ITGA11: variants seen among roughly 807,000 people sequenced by gnomAD.
The protein encoded by ITGA11 is integrin alpha-11.
A neutral mutation model predicts 141.9 loss-of-function variants in ITGA11; 97 were observed. The observed-to-expected ratio is 0.68, with a 90% confidence interval of 0.58 to 0.81. The LOEUF is 0.81. Ranked by LOEUF, ITGA11 falls within the 30% of genes least tolerant of loss-of-function variation. The probability of loss-of-function intolerance (pLI) is 0.00; values close to 1 mark genes in which losing one functional copy is unlikely to be tolerated. For missense variants in ITGA11, 1,387 were observed against 1,559.2 expected (o/e 0.89, Z 1.86); for synonymous variants, 658 against 624.6 (o/e 1.05, Z -0.80).
chr15:68,367,948 C>T (rs1364115767), intron 3 of ITGA11, among the ~76,000 whole-genome samples: 1 of 152,220 alleles, frequency 6.6e-6, no homozygotes, highest in East Asian at 1.9e-4. Flanking sequence ...ACCAGGCACC[C>T]TCTTCCCTTA....
At position 68,300,493 on chromosome 15, in the gene ITGA11, T is replaced by G. The variant is rs1315007066; in HGVS notation, c.*2566A>C. 6.6e-6 allele frequency: 1 copy of G among 152,238 alleles called. No homozygotes were observed. The highest frequency in any genetic ancestry group is 1.5e-5 in the Non-Finnish European group (1 of 68,066). 9.4% of individuals were successfully genotyped at this position (152,238 alleles called of 1,614,324 possible). Reference sequence around the variant, plus strand: ...CGTGGTTCAAAGGTGCAGCCAGGATTGAGAAACACTGCGTTAGCATAGACT... The same window carrying G: ...CGTGGTTCAAAGGTGCAGCCAGGATGGAGAAACACTGCGTTAGCATAGACT... On this transcript the variant is annotated 3_prime_UTR_variant, in exon 30 of 30. Transcript: ENST00000315757.
At chr15:68,428,281 C>G (rs369832235) in intron 1 of ITGA11, among the ~76,000 whole-genome samples, 3 of 152,264 alleles carry the variant, frequency 2.0e-5, no homozygotes, top group East Asian at 1.9e-4. Context: ...AGGGAGAATG[C>G]AAGGGAAGGT....
chr15:68,420,619 A>G (rs935366877), intron 1 of ITGA11, among the ~76,000 whole-genome samples: 7 of 150,324 alleles, frequency 4.7e-5, no homozygotes, highest in Non-Finnish European at 1.0e-4. Flanking sequence ...GCTTATCTAA[A>G]AGGAGTGATT....
chr15:68,308,667 C>T lies in ITGA11; in HGVS notation c.3175-971G>A, dbSNP rs1279811922. ...CTGAGGCAGGAGAATCACTTGAACCCGGGAGGCGGAGGTCGCAGTGAGCCG... is the reference window on the plus strand; with the variant it reads ...CTGAGGCAGGAGAATCACTTGAACCTGGGAGGCGGAGGTCGCAGTGAGCCG... On this transcript the variant is annotated intron_variant, in intron 26 of 29. Coordinates refer to ENST00000315757, the MANE Select transcript of ITGA11 (RefSeq NM_001004439.2). The surrounding 1 kb of genome is among the most constrained non-coding windows in gnomAD (Gnocchi z 5.2). Among the ~76,000 whole-genome samples the T allele has an allele frequency of 2.0e-5, 3 of 151,914 alleles. No homozygotes were observed. Among genetic ancestry groups the T allele is most frequent in the East Asian group, 1.9e-4 (1 of 5,182 alleles).
At position 68,298,205 on chromosome 15, in the gene ITGA11, G is replaced by A. The variant is rs1200002210; in HGVS notation, c.*4854C>T. The A allele has an allele frequency of 1.3e-5, 2 of 152,152 alleles. No homozygotes were observed. The highest frequency in any genetic ancestry group is 2.9e-5 in the Non-Finnish European group (2 of 68,024). 9.4% of individuals were successfully genotyped at this position (152,152 alleles called of 1,614,324 possible). On this transcript the variant is annotated 3_prime_UTR_variant, in exon 30 of 30. Coordinates refer to ENST00000315757, the MANE Select transcript of ITGA11 (RefSeq NM_001004439.2). ...GTATGAGAGAGGCAAATTTTAGGTG[G>A]TTCACAAAACCTTAGCTTGTTGGCA...
intron 10 of ITGA11, among the ~76,000 whole-genome samples, chr15:68,344,217 G>A (rs1315280137): frequency 2.6e-5 from 4 of 152,122 alleles, no homozygotes; most frequent in Non-Finnish European, 5.9e-5. Context: ...GACCCCTGGG[G>A]AGAGGGCCAG....
At chr15:68,379,673 G>A (rs537378991) in intron 2 of ITGA11, among the ~76,000 whole-genome samples, 14 of 152,336 alleles carry the variant, frequency 9.2e-5, no homozygotes, top group Admixed American at 6.5e-4. Flanking sequence ...TCCCCGCAGA[G>A]AGGCTGGACA....
At position 68,339,528 on chromosome 15, in the gene ITGA11, C is replaced by T. The variant is rs749960741; in HGVS notation, c.1248G>A (p.Glu416=). ...GGTATGCACCATGGTTCTTGAGCTC[C>T]TCGGGGAACTCTTTCAGGTAGGACT... ...LRESYLKEFP[E]ELKNHGAYLG... Residue 416 remains glutamate, a synonymous_variant, in exon 11 of 30, where the codon GAG becomes GAA. Transcript: ENST00000315757. 2.5e-6 allele frequency: 4 copies of T among 1,613,892 alleles called. No individual in the cohort carries two copies. The highest frequency in any genetic ancestry group is 3.3e-5 in the Admixed American group (2 of 60,006).
At chr15:68,323,702 T>G (rs903321291) in intron 18 of ITGA11, among the ~76,000 whole-genome samples, 3 of 152,160 alleles carry the variant, frequency 2.0e-5, no homozygotes, top group Non-Finnish European at 4.4e-5. Context: ...CCTTTCCTAT[T>G]TCCCTGCCTT....
At chr15:68,310,933 G>C (rs1305900102) in intron 26 of ITGA11, 61 bp downstream of exon 26, 2 of 1,312,688 alleles carry the variant, frequency 1.5e-6, no homozygotes, top group South Asian at 1.3e-5. Flanking sequence ...ATGGCCCGCA[G>C]AGCACCGGCG....
At position 68,303,790 on chromosome 15, in the gene ITGA11, C is replaced by T. The variant is rs147895523; in HGVS notation, c.3477G>A (p.Leu1159=). The change falls in exon 29 of 30, where the codon CTG becomes CTA. Residue 1159 remains leucine (L), a synonymous_variant. Transcript: ENST00000315757. The surrounding 1 kb of genome is among the most constrained non-coding windows in gnomAD (Gnocchi z 5.3). ...TLGGLLLLAL[L]VLALWKLGFF... is the part of the protein sequence containing the mutation. Reference sequence around the variant, plus strand: ...CCCTCACCTTCCACAGTGCCAGGACCAGCAGGGCCAGCAGTAGGAGGCCCC... The same window carrying T: ...CCCTCACCTTCCACAGTGCCAGGACTAGCAGGGCCAGCAGTAGGAGGCCCC... 1.2e-4 allele frequency: 190 copies of T among 1,611,676 alleles called. 1 individual carries two copies. The Middle Eastern group carries it at 1.8e-3, about 16-fold the overall frequency.
At position 68,331,073 on chromosome 15, in the gene ITGA11, A is replaced by G; in HGVS notation, c.1809T>C (p.Tyr603=). ...TASELATGLQ[Y]FGCSIHGQLD... Reference sequence around the variant, plus strand: ...ATTGCCCGTGGATGCTGCAGCCAAAATACTGGAGGCCGGTAGCCAGCTCTG... The same window carrying G: ...ATTGCCCGTGGATGCTGCAGCCAAAGTACTGGAGGCCGGTAGCCAGCTCTG... Residue 603 remains tyrosine (Y), a synonymous_variant, in exon 15 of 30, where the codon TAT becomes TAC. Transcript: ENST00000315757. The G allele has an allele frequency of 6.2e-7, 1 of 1,608,020 alleles. No homozygotes were observed. The highest frequency in any genetic ancestry group is 8.5e-7 in the Non-Finnish European group (1 of 1,177,138).
At position 68,400,862 on chromosome 15, in the gene ITGA11, T is replaced by TATAATATTATATATTATATAATAAATATA. The variant is rs1555400700; in HGVS notation, c.164+2055_164+2056insTATATTTATTATATAATATATAATATTAT. Among the ~76,000 whole-genome samples the TATAATATTATATATTATATAATAAATATA allele has an allele frequency of 7.2e-4, 4 of 5,560 alleles. 2 individuals carry two copies. Among genetic ancestry groups the TATAATATTATATATTATATAATAAATATA allele is most frequent in the African/African-American group, 2.8e-3 (4 of 1,454 alleles). The allele number at this position is 5,560 out of a possible 152,430, so 3.6% of individuals were successfully genotyped here. On this transcript the variant is annotated intron_variant, in intron 2 of 29. Coordinates refer to ENST00000315757, the MANE Select transcript of ITGA11 (RefSeq NM_001004439.2). The stretch of plus-strand genomic sequence containing the variant: ...ATTATATTATATATTATATAATAAA[T>TATAATATTATATATTATATAATAAATATA]ATAATATTATATATTATATAATAAA...
chr15:68,414,211 C>T (rs532038182), intron 1 of ITGA11, among the ~76,000 whole-genome samples: 2 of 152,274 alleles, frequency 1.3e-5, no homozygotes, highest in East Asian at 3.9e-4. Flanking sequence ...TCAAAACTTG[C>T]GGACACCAGG....
chr15:68,350,572 T>C, intron 9 of ITGA11, 45 bp downstream of exon 9: 1 of 1,564,700 alleles, frequency 6.4e-7, no homozygotes, highest in South Asian at 1.2e-5. Flanking sequence ...TTACCTGACA[T>C]AAGCCCAGGA....
chr15:68,367,222 G>A (rs1223881029), intron 3 of ITGA11, among the ~76,000 whole-genome samples: 1 of 151,992 alleles, frequency 6.6e-6, no homozygotes, highest in East Asian at 1.9e-4. Flanking sequence ...AGAGAAATGG[G>A]GTCCACATTG....
At chr15:68,419,023 A>G (rs898911911) in intron 1 of ITGA11, among the ~76,000 whole-genome samples, 1 of 152,000 alleles carries the variant, frequency 6.6e-6, no homozygotes, top group African/African-American at 2.4e-5. Context: ...AATGCAAACT[A>G]AAAAAAGGAA....
chr15:68,377,344 T>C (rs1217320745), intron 2 of ITGA11, among the ~76,000 whole-genome samples: 1 of 152,154 alleles, frequency 6.6e-6, no homozygotes, highest in Admixed American at 6.5e-5. Flanking sequence ...GGATCTCAGC[T>C]CACTGCAACC....
At chr15:68,387,085 A>C (rs1896003355) in intron 2 of ITGA11, among the ~76,000 whole-genome samples, 1 of 152,134 alleles carries the variant, frequency 6.6e-6, no homozygotes, top group Admixed American at 6.5e-5. Flanking sequence ...ATGAGAAAGT[A>C]AGGTGAGAAA....
Sources: gnomAD v4.1 joint callset for allele counts (sites outside exome capture counted in the v4.1 genomes callset) on GRCh38, gnomAD v4.1.1 for gene constraint, Gnocchi (gnomAD v3.1) non-coding constraint, MANE v1.5 for transcripts, NCBI Gene and HGNC (gene_info 2026-07-23, HGNC 2026-07-21) for gene names.